Variants in LPP observed in about 807,000 individuals in gnomAD.
LPP encodes lipoma-preferred partner.
A neutral mutation model predicts 60.4 loss-of-function variants in LPP; 38 were observed. The observed-to-expected ratio is 0.63, with a 90% CI of 0.49 to 0.83. The LOEUF is 0.83. Ranked by LOEUF, LPP falls within the 40% of genes least tolerant of loss-of-function variation. The pLI is 0.00. For synonymous variants in LPP, 328 were observed against 290.8 expected (o/e 1.13, Z -1.30); for missense variants, 902 against 783.6 (o/e 1.15, Z -1.80).
intron 4 of LPP, among the ~76,000 whole-genome samples, chr3:188,410,404 A>G (rs1784619913): frequency 6.6e-6 from 1 of 152,228 alleles, no homozygotes; most frequent in African/African-American, 2.4e-5. Context: ...CTGACTGTGA[A>G]AGTAGAAAAA....
intron 5 of LPP, among the ~76,000 whole-genome samples, chr3:188,521,606 T>C (rs932736408): frequency 4.6e-5 from 7 of 152,222 alleles, no homozygotes; most frequent in African/African-American, 4.8e-5. Context: ...ATATTATTCA[T>C]ATTAATTTAT....
intron 7 of LPP, among the ~76,000 whole-genome samples, chr3:188,705,623 CT>C (rs961500325): frequency 6.6e-6 from 1 of 151,060 alleles, no homozygotes; most frequent in Non-Finnish European, 1.5e-5. Context: ...TTAATTTTTT[CT>C]TTTTTTGTGT....
chr3:188,578,397 G>C (rs1365056542), intron 6 of LPP, among the ~76,000 whole-genome samples: 1 of 152,118 alleles, frequency 6.6e-6, no homozygotes. Flanking sequence ...CCAGATGGCT[G>C]TGGCTATGAA....
intron 1 of LPP, among the ~76,000 whole-genome samples, chr3:188,170,329 C>CTTTTTTTTTTTT (rs34760455): frequency 1.0e-5 from 1 of 96,444 alleles, no homozygotes; most frequent in Non-Finnish European, 2.0e-5. Flanking sequence ...CTTTTCTTTT[C>CTTTTTTTTTTTT]TTTTTTTTTT....
chr3:188,860,555 C>T (rs1001505106), intron 9 of LPP, among the ~76,000 whole-genome samples: 1 of 152,044 alleles, frequency 6.6e-6, no homozygotes, highest in Non-Finnish European at 1.5e-5. Context: ...AAATATGGTG[C>T]ATCCGGAACC....
At chr3:188,630,563 T>G (rs1345833725) in intron 7 of LPP, among the ~76,000 whole-genome samples, 1 of 152,138 alleles carries the variant, frequency 6.6e-6, no homozygotes, top group Non-Finnish European at 1.5e-5. Context: ...TTCAGGGATT[T>G]CTCAAAGAAT....
intron 3 of LPP, among the ~76,000 whole-genome samples, chr3:188,351,124 T>G (rs1244441056): frequency 6.6e-6 from 1 of 152,240 alleles, no homozygotes; most frequent in African/African-American, 2.4e-5. Flanking sequence ...ATTTAAGGAT[T>G]ACTTTCTGCT....
intron 2 of LPP, among the ~76,000 whole-genome samples, chr3:188,236,615 C>T (rs1577450667): frequency 1.3e-5 from 2 of 152,176 alleles, no homozygotes; most frequent in African/African-American, 4.8e-5. Flanking sequence ...TGAAGCGAGT[C>T]ACACAAAATT....
chr3:188,309,499 T>A (rs73888216), intron 2 of LPP, among the ~76,000 whole-genome samples: 52 of 152,284 alleles, frequency 3.4e-4, no homozygotes, highest in African/African-American at 1.1e-3. Flanking sequence ...CTGATTTCTC[T>A]GTTTAAACGT....
intron 10 of LPP, among the ~76,000 whole-genome samples, chr3:188,870,838 A>G (rs938917163): frequency 2.6e-5 from 4 of 152,194 alleles, no homozygotes; most frequent in African/African-American, 4.8e-5. Context: ...GCCAATTGGT[A>G]GGAAAGAATC....
chr3:188,227,563 G>A (rs972394164), intron 2 of LPP, among the ~76,000 whole-genome samples: 1 of 152,120 alleles, frequency 6.6e-6, no homozygotes, highest in Non-Finnish European at 1.5e-5. Flanking sequence ...AACAAAGTGA[G>A]TGGGTGATTC....
intron 2 of LPP, among the ~76,000 whole-genome samples, chr3:188,284,754 A>C (rs1382811640): frequency 6.6e-6 from 1 of 152,226 alleles, no homozygotes; most frequent in African/African-American, 2.4e-5. Flanking sequence ...TTTAGTAATG[A>C]CTGCGAGAGA....
rs544161994 is a variant in LPP at position 188,843,786 on chromosome 3, C to CAAAAAAAAA, written c.1411-22410_1411-22402dup. Among the ~76,000 whole-genome samples the CAAAAAAAAA allele has an allele frequency of 3.6e-4, 27 of 75,742 alleles. 1 individual carries two copies. Among genetic ancestry groups the CAAAAAAAAA allele is most frequent in the Admixed American group, 9.0e-4 (6 of 6,670 alleles). 49.7% of individuals were successfully genotyped at this position (75,742 alleles called of 152,430 possible). ...TGGGCGACAGAGCAAGACTCCGTCT[C>CAAAAAAAAA]AAAAAAAAAAAATCCTTCCTCTGGG... is the stretch of plus-strand genomic sequence containing the variant. On this transcript the variant is annotated intron_variant, in intron 9 of 11. Coordinates refer to ENST00000617246, the MANE Select transcript of LPP (RefSeq NM_001375462.1).
At chr3:188,500,515 T>G (rs919510603) in intron 5 of LPP, among the ~76,000 whole-genome samples, 5 of 152,144 alleles carry the variant, frequency 3.3e-5, no homozygotes, top group Non-Finnish European at 7.4e-5. Context: ...CAATGTTTAT[T>G]AGGGATATTG....
rs1340160339 is a variant in LPP at position 188,886,330 on chromosome 3, A to AAT, written c.*11851_*11852insAT. 1 of 175,014 alleles carries AAT rather than the reference A, an allele frequency of 5.7e-6. No individual in the cohort carries two copies. The highest frequency in any genetic ancestry group is 1.2e-5 in the Non-Finnish European group (1 of 81,898). The allele number at this position is 175,014 out of a possible 1,614,324, so 10.8% of individuals were successfully genotyped here. On this transcript the variant is annotated 3_prime_UTR_variant, in exon 12 of 12. Transcript: ENST00000617246. The stretch of plus-strand genomic sequence containing the variant: ...AATGAAATAAAATTAAAAAAAAAAA[A>AAT]GAAAAGTGCCTCACCTCCCTGTGAG...
intron 3 of LPP, among the ~76,000 whole-genome samples, chr3:188,344,788 A>T (rs1367478640): frequency 6.6e-6 from 1 of 152,112 alleles, no homozygotes; most frequent in Non-Finnish European, 1.5e-5. Flanking sequence ...GTAGTCCCTT[A>T]CCCCAGCAAC....
In LPP at chr3:188,280,572, C is replaced by T. The variant is rs184778252; in HGVS notation, c.-67+55045C>T. Reference sequence around the variant, plus strand: ...AAAGTCCAGTGCCCATCCCCCACCCCGCCCCCAAACGAAACAGGTATCCAG... The same window carrying T: ...AAAGTCCAGTGCCCATCCCCCACCCTGCCCCCAAACGAAACAGGTATCCAG... On this transcript the variant is annotated intron_variant, in intron 2 of 11. Transcript: ENST00000617246. Among the ~76,000 whole-genome samples the T allele has an allele frequency of 9.9e-5, 15 of 152,156 alleles. No individual in the cohort carries two copies. The South Asian group carries it at 1.7e-3, about 17-fold the overall frequency.
intron 5 of LPP, among the ~76,000 whole-genome samples, chr3:188,496,614 G>C (rs1810309303): frequency 6.6e-6 from 1 of 152,170 alleles, no homozygotes. Flanking sequence ...GAAGCTCTCT[G>C]AGACGTGCCA....
chr3:188,238,943 G>A (rs1365287996), intron 2 of LPP, among the ~76,000 whole-genome samples: 1 of 152,176 alleles, frequency 6.6e-6, no homozygotes, highest in African/African-American at 2.4e-5. Context: ...AATAAAACAA[G>A]ATATGCCTTT....
Sources: allele counts gnomAD v4.1 joint callset (sites outside exome capture counted in the v4.1 genomes callset), GRCh38; gene constraint gnomAD v4.1.1; transcripts MANE v1.5; gene names NCBI Gene and HGNC (gene_info 2026-07-23, HGNC 2026-07-21).